ST18: variants seen among roughly 807,000 people sequenced by gnomAD.
ST18 encodes the protein ST18 C2H2C-type zinc finger transcription factor.
A neutral mutation model predicts 110.0 loss-of-function variants in ST18; 50 were observed. That is an observed-to-expected ratio of 0.45 (90% CI 0.36 to 0.58). ST18 has a LOEUF of 0.58. Ranked by LOEUF, ST18 falls within the 20% of genes least tolerant of loss-of-function variation. ST18 has a pLI of 0.00. For missense variants in ST18, 1,306 were observed against 1,280.1 expected, an observed-to-expected ratio of 1.02 and a Z score of -0.31; for synonymous variants, 461 against 452.4, an observed-to-expected ratio of 1.02 and a Z score of -0.24.
At chr8:52,155,522 G>C (rs1311123552) in intron 15 of ST18, among the ~76,000 whole-genome samples, 6 of 152,208 alleles carry the variant, frequency 3.9e-5, no homozygotes, top group Non-Finnish European at 5.9e-5. Flanking sequence ...GCCGGCACTT[G>C]AGGGATGCTG....
intron 2 of ST18, among the ~76,000 whole-genome samples, chr8:52,322,345 T>G (rs780654485): frequency 1.3e-5 from 2 of 152,210 alleles, no homozygotes; most frequent in Non-Finnish European, 2.9e-5. Flanking sequence ...TAGTTCAGAT[T>G]GAATTTCTGA....
chr8:52,133,321 A>C lies in ST18; in HGVS notation c.2301-20T>G. 1 of 1,614,002 alleles carries C rather than the reference A, an allele frequency of 6.2e-7. No individual in the cohort carries two copies. Among genetic ancestry groups the C allele is most frequent in the Non-Finnish European group, 8.5e-7 (1 of 1,180,004 alleles). On this transcript the variant is annotated intron_variant, in intron 19 of 25. Transcript: ENST00000689386. ...GGACACCTGGAAGGCACAGGAAGAG[A>C]GCATGGGCTGAGAAGTTGTAGTTGG...
intron 7 of ST18, 110 bp downstream of exon 7, chr8:52,214,093 C>A: frequency 2.6e-6 from 3 of 1,167,918 alleles, no homozygotes; most frequent in Non-Finnish European, 3.7e-6. Flanking sequence ...AAAAAAGAAG[C>A]CCTGAGGAAG....
At chr8:52,292,251 T>A (rs544691879) in intron 2 of ST18, among the ~76,000 whole-genome samples, 43 of 152,362 alleles carry the variant, frequency 2.8e-4, no homozygotes, top group South Asian at 2.7e-3. Context: ...GCTTTAATAA[T>A]GCAGTGTCTC....
intron 3 of ST18, among the ~76,000 whole-genome samples, chr8:52,227,237 A>C (rs1445201886): frequency 6.6e-6 from 1 of 152,212 alleles, no homozygotes; most frequent in Non-Finnish European, 1.5e-5. Context: ...TTATTCGTTC[A>C]GTACACACTT....
intron 2 of ST18, among the ~76,000 whole-genome samples, chr8:52,381,655 G>A (rs552119872): frequency 2.0e-5 from 3 of 152,078 alleles, no homozygotes; most frequent in Non-Finnish European, 4.4e-5. Context: ...AACTCATCGC[G>A]TTAATAATTA....
intron 2 of ST18, among the ~76,000 whole-genome samples, chr8:52,272,149 T>C (rs989485322): frequency 6.6e-5 from 10 of 152,166 alleles, no homozygotes; most frequent in African/African-American, 2.4e-4. Context: ...TTCTTGGCAG[T>C]GATTTCATGG....
At chr8:52,113,371 C>G in intron 25 of ST18, 33 bp from the exon 26 acceptor site, 1 of 1,610,104 alleles carries the variant, frequency 6.2e-7, no homozygotes, top group South Asian at 1.1e-5. Context: ...GACCCAATCA[C>G]AGTGGTTCAG....
intron 2 of ST18, among the ~76,000 whole-genome samples, chr8:52,240,912 T>C (rs959061439): frequency 6.6e-6 from 1 of 152,236 alleles, no homozygotes; most frequent in African/African-American, 2.4e-5. Flanking sequence ...GTCTCACTCC[T>C]GAATTTCAGA....
At chr8:52,200,504 G>C (rs1253459014) in intron 8 of ST18, among the ~76,000 whole-genome samples, 1 of 152,174 alleles carries the variant, frequency 6.6e-6, no homozygotes, top group South Asian at 2.1e-4. Context: ...AGGGGGCAAT[G>C]AACAGGGAAG....
At position 52,306,643 on chromosome 8, in the gene ST18, T is replaced by C. The variant is rs559927145; in HGVS notation, c.-464-76566A>G. On this transcript the variant is annotated intron_variant, in intron 2 of 25. Transcript: ENST00000689386. ...TAACAATTTGAAGAACAAAGTATAA[T>C]AGCAGAAAAAGAGTCAGGACACTTG... Among the ~76,000 whole-genome samples, 5 of 152,200 alleles carry C rather than the reference T, an allele frequency of 3.3e-5. No individual in the cohort carries two copies. In the South Asian group the frequency reaches 8.3e-4, roughly 25 times the overall value.
intron 25 of ST18, among the ~76,000 whole-genome samples, chr8:52,114,345 T>G (rs570282962): frequency 6.6e-6 from 1 of 152,100 alleles, no homozygotes; most frequent in Non-Finnish European, 1.5e-5. Flanking sequence ...GCTGGATACA[T>G]GTAAATTTCA....
chr8:52,199,967 G>A (rs186293657), intron 8 of ST18, among the ~76,000 whole-genome samples: 327 of 152,280 alleles, frequency 2.1e-3, no homozygotes, highest in Middle Eastern at 3.4e-3. Flanking sequence ...TGTAAATGTC[G>A]TATAGGAATT....
intron 23 of ST18, among the ~76,000 whole-genome samples, chr8:52,120,045 G>A (rs1399777070): frequency 6.6e-6 from 1 of 152,184 alleles, no homozygotes; most frequent in Non-Finnish European, 1.5e-5. Flanking sequence ...CCATACTCAT[G>A]GAACTATAGT....
At chr8:52,318,586 C>T (rs1013730372) in intron 2 of ST18, among the ~76,000 whole-genome samples, 1 of 152,116 alleles carries the variant, frequency 6.6e-6, no homozygotes, top group Admixed American at 6.5e-5. Flanking sequence ...ATTATAAAGA[C>T]ACATGCACAC....
chr8:52,381,385 T>G (rs887358823), intron 2 of ST18, among the ~76,000 whole-genome samples: 2 of 152,210 alleles, frequency 1.3e-5, no homozygotes, highest in Non-Finnish European at 2.9e-5. Context: ...TTCTCTCTGT[T>G]TTCTTCTGTG....
chr8:52,211,387 A>ATTATTG (rs2082109735), intron 8 of ST18, among the ~76,000 whole-genome samples: 1 of 108,936 alleles, frequency 9.2e-6, no homozygotes, highest in South Asian at 2.6e-4. Context: ...AATTATTATT[A>ATTATTG]TTATTATTAT....
At chr8:52,330,821 T>A (rs980038507) in intron 2 of ST18, among the ~76,000 whole-genome samples, 3 of 152,240 alleles carry the variant, frequency 2.0e-5, no homozygotes, top group Non-Finnish European at 4.4e-5. Context: ...CCTTGCTGCC[T>A]CTATAAACCA....
At chr8:52,350,161 G>A (rs958903071) in intron 2 of ST18, among the ~76,000 whole-genome samples, 2 of 152,182 alleles carry the variant, frequency 1.3e-5, no homozygotes, top group Admixed American at 6.5e-5. Flanking sequence ...CCCAAAGTGT[G>A]TGGGTTAAAA....
Sources: allele counts gnomAD v4.1 joint callset (sites outside exome capture counted in the v4.1 genomes callset), GRCh38; gene constraint gnomAD v4.1.1; transcripts MANE v1.5; gene names NCBI Gene and HGNC (gene_info 2026-07-23, HGNC 2026-07-21).